Variants in ZPBP observed in about 807,000 individuals in gnomAD.
ZPBP encodes zona pellucida-binding protein 1.
In ZPBP, 26 loss-of-function variants were observed where a neutral mutation model predicts 44.8. The ratio of observed to expected loss-of-function variants is 0.58; its 90% CI spans 0.43 to 0.81. The LOEUF (loss-of-function observed/expected upper bound fraction) is 0.81, where lower values mean the gene tolerates loss of function less well. Ranked by LOEUF, ZPBP falls within the 30% of genes least tolerant of loss-of-function variation. ZPBP has a pLI of 0.00. For synonymous variants in ZPBP, 174 were observed against 153.2 expected, an observed-to-expected ratio of 1.14 and a Z score of -1.00; for missense variants, 409 against 434.0, an observed-to-expected ratio of 0.94 and a Z score of 0.51.
chr7:50,027,885 G>C (rs1048374036), intron 5 of ZPBP, among the ~76,000 whole-genome samples: 1 of 151,880 alleles, frequency 6.6e-6, no homozygotes. Context: ...ATATGAATAG[G>C]TCTATAACTA....
At chr7:49,979,843 AT>A (rs1562816616) in intron 7 of ZPBP, among the ~76,000 whole-genome samples, 107 of 72,752 alleles carry the variant, frequency 1.5e-3, no homozygotes, top group African/African-American at 5.0e-3. Context: ...ATATATATAT[AT>A]ATAAAATATA....
chr7:49,903,514 A>C (rs1048924972), intron 1 of ZPBP, among the ~76,000 whole-genome samples: 3 of 152,182 alleles, frequency 2.0e-5, no homozygotes, highest in Non-Finnish European at 4.4e-5. Context: ...ATATGATTCC[A>C]CTTACGTAGT....
intron 2 of ZPBP, among the ~76,000 whole-genome samples, chr7:49,877,470 A>AAATAAAAT (rs1554338208): frequency 5.0e-5 from 2 of 39,858 alleles, no homozygotes; most frequent in Non-Finnish European, 8.7e-5. Context: ...CTCAAAAAAA[A>AAATAAAAT]AAAAAAAAAA....
chr7:49,856,879 G>A (rs1236272061), intron 2 of ZPBP, among the ~76,000 whole-genome samples: 1 of 151,734 alleles, frequency 6.6e-6, no homozygotes, highest in East Asian at 1.9e-4. Context: ...CGTGGTGGCG[G>A]GCGCCTGTAG....
chr7:50,031,989 G>A (rs1799628205), intron 4 of ZPBP, among the ~76,000 whole-genome samples: 1 of 152,124 alleles, frequency 6.6e-6, no homozygotes, highest in South Asian at 2.1e-4. Flanking sequence ...TGTCAAACAA[G>A]GGAGACTTCC....
chr7:49,955,706 T>A (rs1795562354), intron 7 of ZPBP, among the ~76,000 whole-genome samples: 1 of 152,166 alleles, frequency 6.6e-6, no homozygotes, highest in African/African-American at 2.4e-5. Context: ...TTGAAAGGAC[T>A]ACTACAATTG....
intron 2 of ZPBP, among the ~76,000 whole-genome samples, chr7:49,881,466 C>T (rs1396083678): frequency 6.6e-6 from 1 of 152,156 alleles, no homozygotes; most frequent in African/African-American, 2.4e-5. Context: ...CCTAACCCTA[C>T]CTCACCTCTA....
intron 3 of ZPBP, among the ~76,000 whole-genome samples, chr7:50,080,607 C>T (rs1453348529): frequency 6.6e-6 from 1 of 151,740 alleles, no homozygotes; most frequent in East Asian, 1.9e-4. Context: ...TATATTTCAA[C>T]TTGCAGAGTT....
intron 4 of ZPBP, among the ~76,000 whole-genome samples, chr7:50,044,236 A>G (rs1022046752): frequency 6.6e-6 from 1 of 152,212 alleles, no homozygotes; most frequent in African/African-American, 2.4e-5. Flanking sequence ...TTGACACCCC[A>G]ACATCACAAT....
intron 1 of ZPBP, chr7:49,917,580 AT>A (rs1793792657): frequency 6.6e-6 from 1 of 152,188 alleles, no homozygotes; most frequent in Non-Finnish European, 1.5e-5. Context: ...CCTAAAGTCA[AT>A]TTAGTATATT....
intron 6 of ZPBP, among the ~76,000 whole-genome samples, chr7:50,007,907 A>G (rs1432444294): frequency 6.6e-6 from 1 of 152,072 alleles, no homozygotes; most frequent in Admixed American, 6.6e-5. Flanking sequence ...GTCCACCACT[A>G]ACATCATACT....
At chr7:49,924,773 A>C (rs1794165255) in intron 1 of ZPBP, among the ~76,000 whole-genome samples, 2 of 152,148 alleles carry the variant, frequency 1.3e-5, no homozygotes, top group South Asian at 2.1e-4. Flanking sequence ...AATACAACAA[A>C]CAACCATTAA....
intron 6 of ZPBP, among the ~76,000 whole-genome samples, chr7:50,000,717 T>A (rs1438611331): frequency 6.6e-6 from 1 of 152,182 alleles, no homozygotes; most frequent in Non-Finnish European, 1.5e-5. Flanking sequence ...ATTATAGTAT[T>A]TTGTATGGAA....
intron 3 of ZPBP, among the ~76,000 whole-genome samples, chr7:50,066,280 T>C (rs1456219338): frequency 6.7e-6 from 1 of 150,290 alleles, no homozygotes; most frequent in African/African-American, 2.5e-5. Flanking sequence ...TTTTCTCTGA[T>C]TTAATATGTG....
At chr7:49,994,494 C>T (rs539906816) in intron 6 of ZPBP, among the ~76,000 whole-genome samples, 1 of 152,298 alleles carries the variant, frequency 6.6e-6, no homozygotes, top group African/African-American at 2.4e-5. Flanking sequence ...AACAGTATTG[C>T]TGTGCATGAT....
At chr7:49,911,852 G>A (rs948885652) in intron 1 of ZPBP, among the ~76,000 whole-genome samples, 12 of 151,640 alleles carry the variant, frequency 7.9e-5, no homozygotes, top group Admixed American at 1.3e-4. Flanking sequence ...AGCCGAGATC[G>A]TGCCACTGCA....
intron 6 of ZPBP, among the ~76,000 whole-genome samples, chr7:50,017,465 A>G (rs1289239611): frequency 6.6e-6 from 1 of 152,142 alleles, no homozygotes; most frequent in African/African-American, 2.4e-5. Flanking sequence ...CTAACAGGCC[A>G]TGGATTGGTA....
At chr7:49,870,212 A>G (rs1791086712) in intron 2 of ZPBP, among the ~76,000 whole-genome samples, 1 of 152,142 alleles carries the variant, frequency 6.6e-6, no homozygotes, top group South Asian at 2.1e-4. Flanking sequence ...CATCCTGGCT[A>G]AGACAGTGAA....
intron 6 of ZPBP, among the ~76,000 whole-genome samples, chr7:49,991,071 T>C (rs1226541772): frequency 1.3e-5 from 2 of 152,150 alleles, no homozygotes; most frequent in African/African-American, 2.4e-5. Context: ...TTAACACCCA[T>C]ATTTGGGAAT....
Sources: allele counts gnomAD v4.1 joint callset (sites outside exome capture counted in the v4.1 genomes callset), GRCh38; gene constraint gnomAD v4.1.1; transcripts MANE v1.5; gene names NCBI Gene and HGNC (gene_info 2026-07-23, HGNC 2026-07-21).